The following NUMA1 variants were observed in gnomAD, a reference collection of about 807,000 sequenced individuals.
NUMA1 encodes the protein SP-H antigen.
Under a neutral mutation model 237.1 loss-of-function variants are expected in NUMA1, and 62 were observed. The observed-to-expected ratio is 0.26, with a 90% confidence interval of 0.21 to 0.32. The LOEUF is 0.32. NUMA1 is among the 10% of genes least tolerant of loss of function. The pLI, the probability that NUMA1 is intolerant of heterozygous loss-of-function variation, is 1.00. For missense variants in NUMA1, 2,533 were observed against 2,666.5 expected (o/e 0.95, Z 1.10); for synonymous variants, 1,028 against 1,066.1 (o/e 0.96, Z 0.70).
In NUMA1 at chr11:72,018,839, C is replaced by T. The variant is rs1316998895; in HGVS notation, c.726G>A (p.Lys242=). 6.2e-7 allele frequency: 1 copy of T among 1,610,972 alleles called. No homozygotes were observed. The highest frequency in any genetic ancestry group is 1.3e-5 in the African/African-American group (1 of 74,776). Residue 242 remains lysine (K), a synonymous_variant, in exon 10 of 27, where the codon AAG becomes AAA. Coordinates refer to ENST00000393695, the MANE Select transcript of NUMA1 (RefSeq NM_006185.4). ...GCCACCTACCCTTCTCGGTGAGGAG[C>T]TTGCGGTTCTCAGCTAGCTCCAGCT... ...ELELELAENR[K]LLTEKDAQIA...
rs535897791 is a variant in NUMA1 at position 72,007,282 on chromosome 11, C to T, written c.5370G>A (p.Leu1790=). 3 of 1,613,322 alleles carry T rather than the reference C, an allele frequency of 1.9e-6. No homozygotes were observed. The African/African-American group carries it at 4.0e-5, about 22-fold the overall frequency. The stretch of plus-strand genomic sequence containing the variant: ...CCAGGAAGACGTCTCCCAGGGAGTC[C>T]AGGCTGCTCTCCAGGGGGGCCTGAC... ...ARSQAPLESS[L]DSLGDVFLDS... is the part of the protein sequence containing the mutation. Residue 1790 remains leucine, a synonymous_variant, in exon 21 of 27, where the codon CTG becomes CTA. Transcript: ENST00000393695.
Position 72,015,125 on chromosome 11 carries a change from A to G in NUMA1, c.2378T>C (p.Met793Thr), listed in dbSNP as rs779393207. 1.2e-6 allele frequency: 2 copies of G among 1,613,526 alleles called. No homozygotes were observed. The highest frequency in any genetic ancestry group is 1.1e-5 in the South Asian group (1 of 91,086). ...ACTCTCAGCTGTGTGCTGGGCAGCCATGGCCTCTGCCAGCTCCCGCCGCAG... is the reference window on the plus strand; with the variant it reads ...ACTCTCAGCTGTGTGCTGGGCAGCCGTGGCCTCTGCCAGCTCCCGCCGCAG... Reference protein sequence around the residue: ...EVLRRELAEAMAAQHTAESEC... With the variant: ...EVLRRELAEATAAQHTAESEC... The change falls in exon 15 of 27, where the codon ATG becomes ACG. Residue 793 changes from methionine to threonine, a missense_variant. This residue lies in a region of NUMA1 where 1,414 missense variants were observed against 1,508.1 expected (regional missense o/e 0.94). Coordinates refer to ENST00000393695, the MANE Select transcript of NUMA1 (RefSeq NM_006185.4). The surrounding 1 kb of genome is among the most constrained non-coding windows in gnomAD (Gnocchi z 4.0).
At chr11:72,028,359 C>A (rs1194288407) in intron 4 of NUMA1, among the ~76,000 whole-genome samples, 1 of 150,012 alleles carries the variant, frequency 6.7e-6, no homozygotes, top group Non-Finnish European at 1.5e-5. Flanking sequence ...GTCCCTGATA[C>A]CAGTTCCTAA....
Position 72,016,048 on chromosome 11 carries a change from C to T in NUMA1, c.1455G>A (p.Leu485=). The T allele has an allele frequency of 1.2e-6, 2 of 1,614,158 alleles. No individual in the cohort carries two copies. The highest frequency in any genetic ancestry group is 1.1e-5 in the South Asian group (1 of 91,090). The change falls in exon 15 of 27, where the codon CTG becomes CTA. Residue 485 remains leucine (L), a synonymous_variant. Coordinates refer to ENST00000393695, the MANE Select transcript of NUMA1 (RefSeq NM_006185.4). ...ISNLSQAKEE[L]EQASQAHGAR... ...CCCCATGAGCCTGGGAGGCCTGCTC[C>T]AGCTCTTCCTTGGCCTGGCTGAGGT...
chr11:72,073,045 T>A (rs1489210048), intron 1 of NUMA1, among the ~76,000 whole-genome samples: 2 of 1,814 alleles, frequency 1.1e-3, no homozygotes, highest in East Asian at 7.8e-3. Context: ...CGAGACTCCG[T>A]CTCAAAAAAA....
At chr11:72,003,688 C>CAGCT in intron 26 of NUMA1, 150 bp from the exon 27 acceptor site, 1 of 1,105,118 alleles carries the variant, frequency 9.0e-7, no homozygotes, top group Non-Finnish European at 1.3e-6. Flanking sequence ...TGTGCCTGAG[C>CAGCT]AGCTCTGGGT....
At chr11:72,074,895 G>A (rs1244559152) in intron 1 of NUMA1, among the ~76,000 whole-genome samples, 1 of 152,102 alleles carries the variant, frequency 6.6e-6, no homozygotes, top group African/African-American at 2.4e-5. Flanking sequence ...TTAGCTGGTT[G>A]CAGTGGCACG....
rs36029905 is a variant in NUMA1, at chr11:72,015,019, G to A, written c.2484C>T (p.Gly828=). 7,289 of 1,614,020 alleles carry A rather than the reference G, an allele frequency of 4.5e-3. 54 individuals carry two copies. The highest frequency in any genetic ancestry group is 0.035 in the African/African-American group (2,651 of 75,030). The change falls in exon 15 of 27, where the codon GGC becomes GGT. Residue 828 remains glycine, a synonymous_variant. Coordinates refer to ENST00000393695, the MANE Select transcript of NUMA1 (RefSeq NM_006185.4). The surrounding 1 kb of genome is among the most constrained non-coding windows in gnomAD (Gnocchi z 4.0). ...TCATCAGCTGTTCCTGGAACATGGC[G>A]CCATACTGTGCCTCCTCTTGCTGGC... The part of the protein sequence containing the change: ...EDSQQEEAQY[G]AMFQEQLMTL...
chr11:72,060,093 G>T lies in NUMA1; in HGVS notation c.-33+9749C>A, dbSNP rs1429640333. ...ACCAGTAAGTCCAGACATCAAAGCT[G>T]TTTTTTTAACAATTTCCCATCAAAA... On this transcript the variant is annotated intron_variant, in intron 2 of 26. Transcript: ENST00000393695. Among the ~76,000 whole-genome samples, 6 of 152,210 alleles carry T rather than the reference G, an allele frequency of 3.9e-5. No individual in the cohort carries two copies. The East Asian group carries it at 1.2e-3, about 29-fold the overall frequency.
At chr11:72,062,103 C>A (rs1404951803) in intron 2 of NUMA1, among the ~76,000 whole-genome samples, 1 of 152,130 alleles carries the variant, frequency 6.6e-6, no homozygotes, top group Non-Finnish European at 1.5e-5. Context: ...TTCTGAAGAT[C>A]CTGGCCATGA....
At chr11:72,072,606 T>C (rs1228982635) in intron 1 of NUMA1, among the ~76,000 whole-genome samples, 1 of 152,126 alleles carries the variant, frequency 6.6e-6, no homozygotes, top group Non-Finnish European at 1.5e-5. Flanking sequence ...AGCCATCAGA[T>C]ACCTCATTTT....
In NUMA1 at chr11:72,014,220, C is replaced by A. The variant is rs1290384268; in HGVS notation, c.3283G>T (p.Ala1095Ser). Reference protein sequence around the residue: ...QTVKQLKEQLAKKEKEHASGS... With the variant: ...QTVKQLKEQLSKKEKEHASGS... ...GATGCGTGCTCCTTTTCTTTCTTAG[C>A]CAGCTGTTCCTTCAGTTGCTTCACG... Residue 1095 changes from alanine (A) to serine (S), a missense_variant, in exon 15 of 27, where the codon GCT (alanine) becomes TCT (serine). Physicochemically the swap from Ala to Ser is moderately conservative, Grantham distance 99. This residue lies in a region of NUMA1 where 1,414 missense variants were observed against 1,508.1 expected (regional missense o/e 0.94). Coordinates refer to ENST00000393695, the MANE Select transcript of NUMA1 (RefSeq NM_006185.4). The surrounding 1 kb of genome is among the most constrained non-coding windows in gnomAD (Gnocchi z 4.6). 6.2e-7 allele frequency: 1 copy of A among 1,614,066 alleles called. No homozygotes were observed. Among genetic ancestry groups the A allele is most frequent in the South Asian group, 1.1e-5 (1 of 91,090 alleles).
At position 72,003,383 on chromosome 11, in the gene NUMA1, G is replaced by C. The variant is rs978536746; in HGVS notation, c.*144C>G. 2.5e-6 allele frequency: 2 copies of C among 801,548 alleles called. No individual in the cohort carries two copies. The highest frequency in any genetic ancestry group is 4.3e-6 in the Non-Finnish European group (2 of 461,844). 49.7% of individuals were successfully genotyped at this position (801,548 alleles called of 1,614,324 possible). On this transcript the variant is annotated 3_prime_UTR_variant, in exon 27 of 27. Transcript: ENST00000393695. Reference sequence around the variant, plus strand: ...GTGAAGGACCAGGGACCAGGCCAGGGTGCGGGCAGGCATCACTGTCTCTAG... The same window carrying C: ...GTGAAGGACCAGGGACCAGGCCAGGCTGCGGGCAGGCATCACTGTCTCTAG...
At chr11:72,054,427 A>G (rs1942527003) in intron 2 of NUMA1, among the ~76,000 whole-genome samples, 1 of 151,840 alleles carries the variant, frequency 6.6e-6, no homozygotes, top group African/African-American at 2.4e-5. Flanking sequence ...AAGATCACAC[A>G]ATTGCAATCC....
At chr11:72,021,170 A>G (rs1416727011) in intron 8 of NUMA1, 34 bp downstream of exon 8, 3 of 1,526,386 alleles carry the variant, frequency 2.0e-6, no homozygotes, top group South Asian at 2.2e-5. Flanking sequence ...CATTTCAGAG[A>G]TGAGGGGATT....
chr11:72,079,894 C>T (rs1943986904), intron 1 of NUMA1, among the ~76,000 whole-genome samples: 7 of 152,162 alleles, frequency 4.6e-5, no homozygotes, highest in African/African-American at 1.7e-4. Context: ...CGCGCCCCCA[C>T]AAAGCACCTT....
chr11:72,010,804 C>T lies in NUMA1; in HGVS notation c.4701G>A (p.Val1567=), dbSNP rs1488784195. 3 of 1,613,666 alleles carry T rather than the reference C, an allele frequency of 1.9e-6. No homozygotes were observed. The highest frequency in any genetic ancestry group is 2.5e-6 in the Non-Finnish European group (3 of 1,179,976). Residue 1567 remains valine, a synonymous_variant, in exon 17 of 27, where the codon GTG becomes GTA. Coordinates refer to ENST00000393695, the MANE Select transcript of NUMA1 (RefSeq NM_006185.4). Reference sequence around the variant, plus strand: ...GCCCCACCTTCAGCTTCTGCTGCTGCACCTTGCTGGCTTGGTCAGAGTCAG... The same window carrying T: ...GCCCCACCTTCAGCTTCTGCTGCTGTACCTTGCTGGCTTGGTCAGAGTCAG... ...KLADSDQASK[V]QQQKLKAVQA... is the part of the protein sequence containing the mutation.
intron 2 of NUMA1, among the ~76,000 whole-genome samples, chr11:72,060,376 C>A (rs1233708288): frequency 6.6e-6 from 1 of 152,230 alleles, no homozygotes; most frequent in Non-Finnish European, 1.5e-5. Flanking sequence ...GTGACTCACA[C>A]CTGTAATCCC....
intron 4 of NUMA1, among the ~76,000 whole-genome samples, chr11:72,025,607 G>C (rs113135078): frequency 0.021 from 3,129 of 152,222 alleles, 36 homozygotes; most frequent in Middle Eastern, 0.065. Flanking sequence ...CTGATTAGTG[G>C]GCCCCTTGCT....
Sources: allele counts gnomAD v4.1 joint callset (sites outside exome capture counted in the v4.1 genomes callset), GRCh38; gene constraint gnomAD v4.1.1; regional missense constraint gnomAD v4.1.1; non-coding constraint Gnocchi (gnomAD v3.1); transcripts MANE v1.5; gene names NCBI Gene and HGNC (gene_info 2026-07-23, HGNC 2026-07-21).